The following CLIC5 variants were observed in gnomAD, a reference collection of about 807,000 sequenced individuals.
The protein encoded by CLIC5 is chloride intracellular channel protein 5.
Under a neutral mutation model 24.7 loss-of-function variants are expected in CLIC5, and 20 were observed. The ratio of observed to expected loss-of-function variants is 0.81; its 90% CI spans 0.57 to 1.18. The LOEUF is 1.18. CLIC5 is among the 50% of genes most tolerant of loss of function. The pLI, the probability that CLIC5 is intolerant of heterozygous loss-of-function variation, is 0.00. For missense variants in CLIC5, 341 were observed against 326.1 expected, an observed-to-expected ratio of 1.05 and a Z score of -0.35; for synonymous variants, 159 against 135.6, an observed-to-expected ratio of 1.17 and a Z score of -1.20.
intron 1 of CLIC5, among the ~76,000 whole-genome samples, chr6:45,981,578 A>T (rs1318274660): frequency 6.6e-6 from 1 of 152,140 alleles, no homozygotes; most frequent in African/African-American, 2.4e-5. Context: ...TACAATGTGG[A>T]CTCCCTTAGT....
At chr6:45,888,464 T>C (rs1324680227) in intron 6 of CLIC5, among the ~76,000 whole-genome samples, 1 of 152,204 alleles carries the variant, frequency 6.6e-6, no homozygotes, top group Admixed American at 6.5e-5. Context: ...AATTTATGCT[T>C]ACAGTTATGC....
intron 1 of CLIC5, among the ~76,000 whole-genome samples, chr6:46,078,696 T>G (rs1286124735): frequency 1.3e-5 from 2 of 152,206 alleles, no homozygotes; most frequent in African/African-American, 4.8e-5. Flanking sequence ...GGTATGTATG[T>G]GTGAACCAAG....
intron 1 of CLIC5, among the ~76,000 whole-genome samples, chr6:45,970,884 C>A (rs1295737900): frequency 6.6e-6 from 1 of 152,186 alleles, no homozygotes; most frequent in South Asian, 2.1e-4. Context: ...TTCTCTGATT[C>A]TCTTTATGCT....
At chr6:46,011,958 T>C (rs1384250163) in intron 1 of CLIC5, among the ~76,000 whole-genome samples, 1 of 152,204 alleles carries the variant, frequency 6.6e-6, no homozygotes, top group Non-Finnish European at 1.5e-5. Context: ...CAGTCTGCCA[T>C]GGGACTCATA....
chr6:46,068,452 C>A (rs1025083876), intron 1 of CLIC5, among the ~76,000 whole-genome samples: 1 of 152,056 alleles, frequency 6.6e-6, no homozygotes, highest in African/African-American at 2.4e-5. Flanking sequence ...TTCATTCAAC[C>A]ATCATTTTAA....
intron 1 of CLIC5, among the ~76,000 whole-genome samples, chr6:45,960,843 G>T (rs928153784): frequency 2.6e-5 from 4 of 152,202 alleles, no homozygotes; most frequent in African/African-American, 9.6e-5. Context: ...CTCCAGACCA[G>T]CTCTGGCCTG....
chr6:45,967,997 T>C (rs1448922312), intron 1 of CLIC5, among the ~76,000 whole-genome samples: 2 of 152,138 alleles, frequency 1.3e-5, no homozygotes, highest in Non-Finnish European at 2.9e-5. Flanking sequence ...ATTCAAACCA[T>C]ATCAGTGGGT....
intron 3 of CLIC5, among the ~76,000 whole-genome samples, chr6:45,946,750 G>C (rs1336890418): frequency 6.6e-6 from 1 of 152,214 alleles, no homozygotes; most frequent in Non-Finnish European, 1.5e-5. Flanking sequence ...TTTACTGGGA[G>C]GTAATTGTGG....
intron 4 of CLIC5, among the ~76,000 whole-genome samples, chr6:45,936,788 C>A (rs1763952711): frequency 6.6e-6 from 1 of 152,138 alleles, no homozygotes; most frequent in Admixed American, 6.5e-5. Flanking sequence ...TCCCCAAAAC[C>A]AGGCGTGTGG....
At chr6:46,102,869 C>T in the CLIC5 span, among the ~76,000 whole-genome samples, 1 of 152,172 alleles carries the variant, frequency 6.6e-6, no homozygotes, top group Admixed American at 6.5e-5. Flanking sequence ...AAGAAAGAAA[C>T]ACAAGACTGG....
At chr6:45,881,124 C>T (rs1762259537) in exon 7 of CLIC5, 1 of 398,128 alleles carries the variant, frequency 2.5e-6, no homozygotes, top group Non-Finnish European at 4.4e-6. Context: ...TCTCTAGCTT[C>T]TCCCCATTTC....
At chr6:46,089,419 G>A in the CLIC5 span, among the ~76,000 whole-genome samples, 11 of 152,140 alleles carry the variant, frequency 7.2e-5, no homozygotes, top group African/African-American at 2.6e-4. Context: ...AGGAGGTTAA[G>A]GAACATTCTA....
At chr6:45,970,308 G>GA (rs3836937) in intron 1 of CLIC5, among the ~76,000 whole-genome samples, 118,595 of 151,994 alleles carry the variant, frequency 0.78, 46,532 homozygotes, top group South Asian at 0.87. Flanking sequence ...CACAATTACA[G>GA]AAAAAACCAA....
chr6:46,010,060 G>T (rs923002443), intron 1 of CLIC5, among the ~76,000 whole-genome samples: 21 of 152,174 alleles, frequency 1.4e-4, no homozygotes, highest in African/African-American at 5.1e-4. Context: ...CTCACTGCTT[G>T]TGTTCTCAGG....
At chr6:45,944,832 G>T (rs536915219) in intron 3 of CLIC5, among the ~76,000 whole-genome samples, 1 of 152,294 alleles carries the variant, frequency 6.6e-6, no homozygotes, top group Non-Finnish European at 1.5e-5. Context: ...CTTGCTGATG[G>T]CAGCTTAAGT....
At position 45,973,715 on chromosome 6, in the gene CLIC5, G is replaced by A. The variant is rs1225632594; in HGVS notation, c.64-18471C>T. On this transcript the variant is annotated intron_variant, in intron 1 of 5. Coordinates refer to ENST00000339561, the MANE Select transcript of CLIC5 (RefSeq NM_016929.5). ...GCACTTTGGGAGGCCGAGGCGGGCG[G>A]ATCATGAGATCAAGAGATTGAGACC... Among the ~76,000 whole-genome samples, 4 of 152,268 alleles carry A rather than the reference G, an allele frequency of 2.6e-5. No individual in the cohort carries two copies. In the East Asian group the frequency reaches 5.8e-4, roughly 22 times the overall value.
intron 1 of CLIC5, among the ~76,000 whole-genome samples, chr6:46,076,964 C>T (rs1442782308): frequency 6.6e-6 from 1 of 151,960 alleles, no homozygotes; most frequent in Non-Finnish European, 1.5e-5. Context: ...TAGTGAAAAC[C>T]CGTCTCTACT....
At chr6:46,128,354 G>A in the CLIC5 span, among the ~76,000 whole-genome samples, 1 of 152,140 alleles carries the variant, frequency 6.6e-6, no homozygotes, top group African/African-American at 2.4e-5. Context: ...CACCCTTTAA[G>A]CATACATATG....
intron 4 of CLIC5, among the ~76,000 whole-genome samples, chr6:45,923,102 C>T (rs910202784): frequency 6.6e-6 from 1 of 152,128 alleles, no homozygotes; most frequent in Admixed American, 6.5e-5. Context: ...GATTGTAGAA[C>T]CCATCGTGCT....
Sources: allele counts gnomAD v4.1 joint callset (sites outside exome capture counted in the v4.1 genomes callset), GRCh38; gene constraint gnomAD v4.1.1; transcripts MANE v1.5; gene names NCBI Gene and HGNC (gene_info 2026-07-23, HGNC 2026-07-21).